INO80D: variants seen among roughly 807,000 people sequenced by gnomAD.
The protein encoded by INO80D is INO80 complex subunit D.
INO80D carries 21 observed loss-of-function variants against 87.6 expected under a neutral mutation model. That is an observed-to-expected ratio of 0.24 (90% CI 0.17 to 0.35). INO80D has a LOEUF of 0.35. Among genes scored for constraint, INO80D ranks in the 10% least tolerant of loss-of-function variants. INO80D has a pLI of 1.00. For synonymous variants in INO80D, 440 were observed against 491.0 expected (o/e 0.90, Z 1.37); for missense variants, 982 against 1,280.7 (o/e 0.77, Z 3.56).
intron 4 of INO80D, among the ~76,000 whole-genome samples, chr2:206,054,836 G>C (rs2105879250): frequency 6.6e-6 from 1 of 152,168 alleles, no homozygotes; most frequent in Non-Finnish European, 1.5e-5. Context: ...TTTAGAGACA[G>C]GATCTCACTA....
At position 205,994,664 on chromosome 2, in the gene INO80D, T is replaced by C. The variant is rs1687776345; in HGVS notation, c.*9704A>G. Reference sequence around the variant, plus strand: ...TACTTCACTGTTTTTTGTAACATCTTACAATTTAGGATTGTCCATCTACCT... The same window carrying C: ...TACTTCACTGTTTTTTGTAACATCTCACAATTTAGGATTGTCCATCTACCT... On this transcript the variant is annotated 3_prime_UTR_variant, in exon 11 of 11. Transcript: ENST00000403263. The C allele has an allele frequency of 6.6e-6, 1 of 152,178 alleles. No homozygotes were observed. Among genetic ancestry groups the C allele is most frequent in the Non-Finnish European group, 1.5e-5 (1 of 68,034 alleles). 9.4% of individuals were successfully genotyped at this position (152,178 alleles called of 1,614,324 possible).
At position 206,062,204 on chromosome 2, in the gene INO80D, C is replaced by T. The variant is rs1341293702; in HGVS notation, c.218+595G>A. Among the ~76,000 whole-genome samples the T allele has an allele frequency of 2.0e-5, 3 of 151,774 alleles. No individual in the cohort carries two copies. Among genetic ancestry groups the T allele is most frequent in the African/African-American group, 7.3e-5 (3 of 41,334 alleles). On this transcript the variant is annotated intron_variant, in intron 3 of 10. Transcript: ENST00000403263. This position sits in a 1 kb window ranked among gnomAD's most constrained non-coding sequence, Gnocchi z 4.6. ...ATACTCTATTTGGAACACTTTTTAA[C>T]CAAAAAAGGTAAGGTTATAAAACAT...
rs1461725074 is a variant in INO80D at position 205,995,302 on chromosome 2, A to C, written c.*9066T>G. Reference sequence around the variant, plus strand: ...TGGGACAGATGGCATTTTTAAAATGACAGTCTCCCTTTCAGTTAAGAAAAA... The same window carrying C: ...TGGGACAGATGGCATTTTTAAAATGCCAGTCTCCCTTTCAGTTAAGAAAAA... On this transcript the variant is annotated 3_prime_UTR_variant, in exon 11 of 11. Coordinates refer to ENST00000403263, the MANE Select transcript of INO80D (RefSeq NM_017759.5). 2 of 152,204 alleles carry C rather than the reference A, an allele frequency of 1.3e-5. No individual in the cohort carries two copies. The highest frequency in any genetic ancestry group is 2.9e-5 in the Non-Finnish European group (2 of 68,028). The allele number at this position is 152,204 out of a possible 1,614,324, so 9.4% of individuals were successfully genotyped here. A position where few individuals can be genotyped will look rare whatever the true frequency, so the allele number is the denominator to read the frequency against.
At chr2:206,029,483 A>C (rs1006805528) in intron 5 of INO80D, among the ~76,000 whole-genome samples, 2 of 152,214 alleles carry the variant, frequency 1.3e-5, no homozygotes, top group Non-Finnish European at 2.9e-5. Flanking sequence ...CTGTTATTTT[A>C]GCTTCTTTCT....
chr2:205,999,555 A>G lies in INO80D; in HGVS notation c.*4813T>C, dbSNP rs954505135. The G allele has an allele frequency of 2.0e-4, 27 of 137,466 alleles. 1 individual carries two copies. Among genetic ancestry groups the G allele is most frequent in the African/African-American group, 5.9e-4 (24 of 40,642 alleles). 8.5% of individuals were successfully genotyped at this position (137,466 alleles called of 1,614,324 possible). On this transcript the variant is annotated 3_prime_UTR_variant, in exon 11 of 11. Transcript: ENST00000403263. ...CTGTATCACAGTGCAGAGAAAAACT[A>G]ACAAAAAAAAATAAGGGCTGAAGTG...
chr2:206,052,609 G>A (rs1689404119), intron 4 of INO80D, among the ~76,000 whole-genome samples: 1 of 151,976 alleles, frequency 6.6e-6, no homozygotes, highest in Non-Finnish European at 1.5e-5. Context: ...AACATAGTGA[G>A]ACCCCATCTC....
At chr2:206,030,743 G>C (rs1050513777) in intron 5 of INO80D, among the ~76,000 whole-genome samples, 1 of 152,148 alleles carries the variant, frequency 6.6e-6, no homozygotes, top group African/African-American at 2.4e-5. Context: ...CAGAAGACTT[G>C]TAATTTTTTA....
chr2:206,018,777 C>T (rs1254385266), intron 7 of INO80D, among the ~76,000 whole-genome samples: 1 of 152,080 alleles, frequency 6.6e-6, no homozygotes, highest in Non-Finnish European at 1.5e-5. Flanking sequence ...TGGTGCATGC[C>T]TGTAGTCCCA....
At position 206,006,962 on chromosome 2, in the gene INO80D, G is replaced by A. The variant is rs562174854; in HGVS notation, c.1918+322C>T. Among the ~76,000 whole-genome samples the A allele has an allele frequency of 5.3e-5, 8 of 152,248 alleles. No homozygotes were observed. In the South Asian group the frequency reaches 1.7e-3, roughly 32 times the overall value. On this transcript the variant is annotated intron_variant, in intron 10 of 10. Coordinates refer to ENST00000403263, the MANE Select transcript of INO80D (RefSeq NM_017759.5). ...CTCGGGAGGCCGAGGCGAAAGAATC[G>A]CTTGAACCCGGAGGCAGAAGCTGCA...
rs371559479 is a variant in INO80D at position 206,000,034 on chromosome 2, T to C, written c.*4334A>G. 1 of 152,068 alleles carries C rather than the reference T, an allele frequency of 6.6e-6. No homozygotes were observed. The highest frequency in any genetic ancestry group is 1.9e-4 in the East Asian group (1 of 5,194). 9.4% of individuals were successfully genotyped at this position (152,068 alleles called of 1,614,324 possible). Reference sequence around the variant, plus strand: ...AAAATCCTTGGAACAATGTAAATACTGGTAACAAAAGAGATACAAATGAGG... The same window carrying C: ...AAAATCCTTGGAACAATGTAAATACCGGTAACAAAAGAGATACAAATGAGG... On this transcript the variant is annotated 3_prime_UTR_variant, in exon 11 of 11. Coordinates refer to ENST00000403263, the MANE Select transcript of INO80D (RefSeq NM_017759.5).
intron 6 of INO80D, among the ~76,000 whole-genome samples, chr2:206,023,698 A>AG (rs1688528566): frequency 6.6e-6 from 1 of 151,866 alleles, no homozygotes; most frequent in South Asian, 2.1e-4. Context: ...AAAAAAAAAA[A>AG]AAAAGTTGCC....
chr2:206,043,550 C>G (rs888872740), intron 5 of INO80D, among the ~76,000 whole-genome samples: 1 of 151,746 alleles, frequency 6.6e-6, no homozygotes, highest in Non-Finnish European at 1.5e-5. Flanking sequence ...TGCAGTGGCA[C>G]GATCTCGGCT....
rs1319961842 is a variant in INO80D at position 206,085,511 on chromosome 2, AGGGGGCGCGCGGAGGCC to A, written c.-124+373_-124+389del. On this transcript the variant is annotated intron_variant, in intron 1 of 10. Coordinates refer to ENST00000403263, the MANE Select transcript of INO80D (RefSeq NM_017759.5). This position sits in a 1 kb window ranked among gnomAD's most constrained non-coding sequence, Gnocchi z 4.5. ...CCACCCGGAGACCCCGGGGGACTCGAGGGGGCGCGCGGAGGCCCGGGGTGCGGGGGCAGGGCGCGGCT... is the reference window on the plus strand; with the variant it reads ...CCACCCGGAGACCCCGGGGGACTCGACGGGGTGCGGGGGCAGGGCGCGGCT... The A allele has an allele frequency of 2.7e-5, 4 of 149,952 alleles. No homozygotes were observed. In the East Asian group the frequency reaches 8.0e-4, roughly 30 times the overall value. The allele number at this position is 149,952 out of a possible 1,614,324, so 9.3% of individuals were successfully genotyped here.
In INO80D at chr2:206,009,843, C is replaced by T. The variant is rs374479034; in HGVS notation, c.1543-49G>A. Reference sequence around the variant, plus strand: ...TTAAATTGAGATTATCTGGGATAAACCTGACAGCTACCTAAAAAATACTTA... The same window carrying T: ...TTAAATTGAGATTATCTGGGATAAATCTGACAGCTACCTAAAAAATACTTA... On this transcript the variant is annotated intron_variant, in intron 8 of 10. Transcript: ENST00000403263. 2.7e-5 allele frequency: 39 copies of T among 1,460,814 alleles called. No homozygotes were observed. The East Asian group carries it at 5.3e-4, about 20-fold the overall frequency. The allele number at this position is 1,460,814 out of a possible 1,614,324, so 90.5% of individuals were successfully genotyped here. A position where few individuals can be genotyped will look rare whatever the true frequency, so the allele number is the denominator to read the frequency against.
chr2:206,017,616 T>G, intron 8 of INO80D, 64 bp downstream of exon 8: 1 of 1,353,152 alleles, frequency 7.4e-7, no homozygotes, highest in Non-Finnish European at 9.9e-7. Flanking sequence ...TTGTGCTAAG[T>G]TATAAAATAC....
chr2:206,006,692 A>G, intron 10 of INO80D, among the ~76,000 whole-genome samples: 1 of 152,092 alleles, frequency 6.6e-6, no homozygotes. Context: ...CAAAAAAAAA[A>G]AAAAAAAGTC....
At chr2:206,024,235 A>G (rs1007642644) in intron 6 of INO80D, among the ~76,000 whole-genome samples, 1 of 152,170 alleles carries the variant, frequency 6.6e-6, no homozygotes. Flanking sequence ...GAGATTTAGG[A>G]ACAAACTTTT....
rs1687873393 is a variant in INO80D, at chr2:205,999,813, A to C, written c.*4555T>G. 6.6e-6 allele frequency: 1 copy of C among 152,218 alleles called. No individual in the cohort carries two copies. The highest frequency in any genetic ancestry group is 2.4e-5 in the African/African-American group (1 of 41,460). 9.4% of individuals were successfully genotyped at this position (152,218 alleles called of 1,614,324 possible). On this transcript the variant is annotated 3_prime_UTR_variant, in exon 11 of 11. Coordinates refer to ENST00000403263, the MANE Select transcript of INO80D (RefSeq NM_017759.5). The stretch of plus-strand genomic sequence containing the variant: ...ATTTAAAATGTTACTTTAATCTACT[A>C]AACATGATTCTGGTTTCCTCCAGAA...
At chr2:206,030,314 G>T (rs1055775670) in intron 5 of INO80D, among the ~76,000 whole-genome samples, 5 of 152,018 alleles carry the variant, frequency 3.3e-5, no homozygotes, top group Non-Finnish European at 5.9e-5. Flanking sequence ...AATACAAAAA[G>T]TACTCAGGTG....
Sources: allele counts gnomAD v4.1 joint callset (sites outside exome capture counted in the v4.1 genomes callset), GRCh38; gene constraint gnomAD v4.1.1; non-coding constraint Gnocchi (gnomAD v3.1); transcripts MANE v1.5; gene names NCBI Gene and HGNC (gene_info 2026-07-23, HGNC 2026-07-21).